CCDC186: variants seen among roughly 807,000 people sequenced by gnomAD.
The protein encoded by CCDC186 is coiled-coil domain containing 186, also known as coiled-coil domain-containing protein 186.
In CCDC186, 49 loss-of-function variants were observed where a neutral mutation model predicts 113.7. The ratio of observed to expected loss-of-function variants is 0.43; its 90% confidence interval spans 0.34 to 0.55. The LOEUF (loss-of-function observed/expected upper bound fraction) is 0.55. CCDC186 is among the 20% of genes least tolerant of loss of function. The pLI is 0.02. For synonymous variants in CCDC186, 355 were observed against 345.8 expected (o/e 1.03, Z -0.30); for missense variants, 890 against 1,011.1 (o/e 0.88, Z 1.62).
rs916363555 is a variant in CCDC186, at chr10:114,167,798, G to A, written c.-61-4469C>T. 1.2e-4 allele frequency among the ~76,000 whole-genome samples: 8 copies of A among 66,404 alleles called. No individual in the cohort carries two copies. The East Asian group carries it at 1.5e-3, about 13-fold the overall frequency. The allele number at this position is 66,404 out of a possible 152,430, so 43.6% of individuals were successfully genotyped here. A position where few individuals can be genotyped will look rare whatever the true frequency, so the allele number is the denominator to read the frequency against. On this transcript the variant is annotated intron_variant, in intron 1 of 15. Coordinates refer to ENST00000369287, the MANE Select transcript of CCDC186 (RefSeq NM_018017.4). ...GGCAACATAACAAGACCTAATCTCC[G>A]TAAAAAAAAAAAAAAAAAAAAAAAA...
At chr10:114,159,316 A>G (rs1039480061) in intron 2 of CCDC186, among the ~76,000 whole-genome samples, 1 of 152,052 alleles carries the variant, frequency 6.6e-6, no homozygotes, top group African/African-American at 2.4e-5. Context: ...GAAAAGCAGT[A>G]AACACTCAAT....
At chr10:114,167,182 A>G (rs921268164) in intron 1 of CCDC186, among the ~76,000 whole-genome samples, 3 of 151,920 alleles carry the variant, frequency 2.0e-5, no homozygotes, top group Non-Finnish European at 2.9e-5. Context: ...CACCATGCCC[A>G]GCTAATTTTT....
At position 114,169,673 on chromosome 10, in the gene CCDC186, AAG is replaced by A. The variant is rs374467757; in HGVS notation, c.-62+4340_-62+4341del. On this transcript the variant is annotated intron_variant, in intron 1 of 15. Transcript: ENST00000369287. ...TTTGTAGGAAAAGTACCTACATCAA[AAG>A]AGTTTGTATTCTCCAAAAACACCTT... Among the ~76,000 whole-genome samples the A allele has an allele frequency of 4.6e-5, 7 of 152,326 alleles. No homozygotes were observed. In the East Asian group the frequency reaches 1.3e-3, roughly 29 times the overall value.
In CCDC186 at chr10:114,129,935, T is replaced by C. The variant is rs767047825; in HGVS notation, c.2138A>G (p.Tyr713Cys). The C allele has an allele frequency of 1.9e-6, 3 of 1,613,726 alleles. No homozygotes were observed. Among genetic ancestry groups the C allele is most frequent in the East Asian group, 2.2e-5 (1 of 44,852 alleles). ...TCCCATGCTGCTGACTTCTTTGTCATAGCTTCCACTCTCAACCTGATCTAA... is the reference window on the plus strand; with the variant it reads ...TCCCATGCTGCTGACTTCTTTGTCACAGCTTCCACTCTCAACCTGATCTAA... ...RKLDQVESGS[Y>C]DKEVSSMGSR... The change falls in exon 13 of 16, where the codon TAT becomes TGT. Residue 713 changes from tyrosine to cysteine, a missense_variant. Coordinates refer to ENST00000369287, the MANE Select transcript of CCDC186 (RefSeq NM_018017.4).
chr10:114,125,879 C>A lies in CCDC186; in HGVS notation c.2613+7G>T. ...CTGGTTGGTGTGTGAATGAGAAACACAAATACCTTCAAAGTAATATTTTTT... is the reference window on the plus strand; with the variant it reads ...CTGGTTGGTGTGTGAATGAGAAACAAAAATACCTTCAAAGTAATATTTTTT... On this transcript the variant is annotated splice_region_variant and intron_variant, in intron 15 of 15. Transcript: ENST00000369287. 1 of 1,611,736 alleles carries A rather than the reference C, an allele frequency of 6.2e-7. No homozygotes were observed. Among genetic ancestry groups the A allele is most frequent in the Non-Finnish European group, 8.5e-7 (1 of 1,178,042 alleles).
rs1255376374 is a variant in CCDC186, at chr10:114,121,115, T to C, written c.*4028A>G. The C allele has an allele frequency of 1.4e-4, 21 of 152,164 alleles. No homozygotes were observed. Among genetic ancestry groups the C allele is most frequent in the Non-Finnish European group, 1.5e-5 (1 of 68,010 alleles). 9.4% of individuals were successfully genotyped at this position (152,164 alleles called of 1,614,324 possible). On this transcript the variant is annotated 3_prime_UTR_variant, in exon 16 of 16. Transcript: ENST00000369287. ...CCAGAAGAAAAATACATCTCTAATA[T>C]ACAATTATATTTTTCATTTATTTTC...
intron 6 of CCDC186, among the ~76,000 whole-genome samples, chr10:114,141,086 G>T (rs1473415914): frequency 1.3e-5 from 2 of 151,438 alleles, no homozygotes; most frequent in Non-Finnish European, 2.9e-5. Flanking sequence ...TAGAGATGGG[G>T]ACCTCGCTAT....
intron 3 of CCDC186, among the ~76,000 whole-genome samples, chr10:114,151,618 T>C (rs535125687): frequency 1.3e-5 from 2 of 152,282 alleles, no homozygotes; most frequent in South Asian, 4.1e-4. Flanking sequence ...AAAACTTGTG[T>C]TGTCTCACTA....
chr10:114,127,703 T>C, intron 13 of CCDC186, 32 bp from the exon 14 acceptor site: 1 of 1,555,342 alleles, frequency 6.4e-7, no homozygotes, highest in Non-Finnish European at 8.8e-7. Context: ...TTAGATACTG[T>C]GCTTAATCTA....
At chr10:114,172,452 G>A (rs770101009) in intron 1 of CCDC186, among the ~76,000 whole-genome samples, 1 of 152,214 alleles carries the variant, frequency 6.6e-6, no homozygotes, top group Non-Finnish European at 1.5e-5. Context: ...AGAACTAAAA[G>A]GTTAGAGTGG....
intron 13 of CCDC186, among the ~76,000 whole-genome samples, chr10:114,129,030 C>T (rs566249692): frequency 8.5e-5 from 13 of 152,132 alleles, no homozygotes; most frequent in East Asian, 7.7e-4. Flanking sequence ...GGGCTGGGCG[C>T]GGAGGCTCAA....
rs919715450 is a variant in CCDC186, at chr10:114,122,295, T to C, written c.*2848A>G. ...AAATTTAATTTCAAGCTAAATCGCT[T>C]TAAATGGTTATGAAGATAGAAAGTA... On this transcript the variant is annotated 3_prime_UTR_variant, in exon 16 of 16. Coordinates refer to ENST00000369287, the MANE Select transcript of CCDC186 (RefSeq NM_018017.4). 2.6e-5 allele frequency: 4 copies of C among 152,160 alleles called. No homozygotes were observed. The highest frequency in any genetic ancestry group is 9.6e-5 in the African/African-American group (4 of 41,456). 9.4% of individuals were successfully genotyped at this position (152,160 alleles called of 1,614,324 possible).
In CCDC186 at chr10:114,151,150, A is replaced by G; in HGVS notation, c.830T>C (p.Val277Ala). 1 of 1,613,564 alleles carries G rather than the reference A, an allele frequency of 6.2e-7. No individual in the cohort carries two copies. Among genetic ancestry groups the G allele is most frequent in the Non-Finnish European group, 8.5e-7 (1 of 1,179,556 alleles). Residue 277 changes from valine to alanine, a missense_variant, in exon 4 of 16, where the codon GTT becomes GCT. Coordinates refer to ENST00000369287, the MANE Select transcript of CCDC186 (RefSeq NM_018017.4). Reference sequence around the variant, plus strand: ...CTGCTGAACTGCATTTTTAGCTGTAACGTCTTGAGCTATTAGTTGATCTCT... The same window carrying G: ...CTGCTGAACTGCATTTTTAGCTGTAGCGTCTTGAGCTATTAGTTGATCTCT... Reference protein sequence around the residue: ...ASRDQLIAQDVTAKNAVQQLH... With the variant: ...ASRDQLIAQDATAKNAVQQLH...
chr10:114,133,083 G>A (rs1474877888), intron 10 of CCDC186, among the ~76,000 whole-genome samples: 1 of 152,164 alleles, frequency 6.6e-6, no homozygotes, highest in Non-Finnish European at 1.5e-5. Context: ...TTTTAAAAAG[G>A]ATTATACTAA....
chr10:114,173,634 A>G (rs532989243), intron 1 of CCDC186, among the ~76,000 whole-genome samples: 1 of 152,332 alleles, frequency 6.6e-6, no homozygotes, highest in South Asian at 2.1e-4. Flanking sequence ...AAAACGAAAT[A>G]GGCGATTGAG....
chr10:114,174,157 G>A lies in CCDC186; in HGVS notation c.-204C>T. On this transcript the variant is annotated 5_prime_UTR_variant, in exon 1 of 16. Coordinates refer to ENST00000369287, the MANE Select transcript of CCDC186 (RefSeq NM_018017.4). ...AGAAACACAGCCGACGCCTCACTCA[G>A]CGGCCGTTTCCCCAAACCCCTGCGG... 4 of 468,580 alleles carry A rather than the reference G, an allele frequency of 8.5e-6. No individual in the cohort carries two copies. The highest frequency in any genetic ancestry group is 1.6e-5 in the South Asian group (1 of 64,178). The allele number at this position is 468,580 out of a possible 1,614,324, so 29.0% of individuals were successfully genotyped here. A position where few individuals can be genotyped will look rare whatever the true frequency, so the allele number is the denominator to read the frequency against.
intron 9 of CCDC186, among the ~76,000 whole-genome samples, chr10:114,135,356 T>A (rs948336459): frequency 6.6e-6 from 1 of 152,112 alleles, no homozygotes; most frequent in African/African-American, 2.4e-5. Flanking sequence ...TGAAAAACAA[T>A]TTAAAATTAT....
chr10:114,146,960 C>T (rs1422575581), intron 4 of CCDC186, among the ~76,000 whole-genome samples: 1 of 152,118 alleles, frequency 6.6e-6, no homozygotes, highest in East Asian at 1.9e-4. Flanking sequence ...TTAAAAATCT[C>T]CCAATTGGGA....
At chr10:114,134,842 C>A in intron 10 of CCDC186, 71 bp downstream of exon 10, 1 of 1,522,200 alleles carries the variant, frequency 6.6e-7, no homozygotes, top group Non-Finnish European at 8.8e-7. Flanking sequence ...GCAATAACTG[C>A]ATTTAGAAAA....
Sources: allele counts gnomAD v4.1 joint callset (sites outside exome capture counted in the v4.1 genomes callset), GRCh38; gene constraint gnomAD v4.1.1; transcripts MANE v1.5; gene names NCBI Gene and HGNC (gene_info 2026-07-23, HGNC 2026-07-21).